The following ACSS3 variants were observed in gnomAD, a reference collection of about 807,000 sequenced individuals.
The protein encoded by ACSS3 is acyl-CoA synthetase short chain family member 3.
In ACSS3, 64 loss-of-function variants were observed where a neutral mutation model predicts 84.2. That is an observed-to-expected ratio of 0.76 (90% CI 0.62 to 0.94). The LOEUF (loss-of-function observed/expected upper bound fraction) is 0.94, where lower values mean the gene tolerates loss of function less well. Ranked by LOEUF, ACSS3 falls within the 40% of genes least tolerant of loss-of-function variation. The pLI is 0.00. For missense variants in ACSS3, 815 were observed against 867.6 expected, an observed-to-expected ratio of 0.94 and a Z score of 0.76; for synonymous variants, 317 against 310.1, an observed-to-expected ratio of 1.02 and a Z score of -0.23.
At chr12:81,151,373 A>G (rs1036672754) in intron 5 of ACSS3, among the ~76,000 whole-genome samples, 6 of 152,160 alleles carry the variant, frequency 3.9e-5, no homozygotes, top group African/African-American at 1.4e-4. Flanking sequence ...ATGAGATTCC[A>G]GTTAGAATAT....
At chr12:81,252,169 A>G (rs764814880) in intron 13 of ACSS3, among the ~76,000 whole-genome samples, 19 of 152,146 alleles carry the variant, frequency 1.2e-4, no homozygotes, top group Admixed American at 1.3e-4. Flanking sequence ...TATTTCCTAA[A>G]GAAAAAGTTT....
At chr12:81,150,462 C>T (rs987454070) in intron 5 of ACSS3, among the ~76,000 whole-genome samples, 5 of 152,038 alleles carry the variant, frequency 3.3e-5, no homozygotes, top group African/African-American at 9.7e-5. Context: ...AGTGCATGGA[C>T]GATAGGATAG....
chr12:81,162,389 C>A (rs1284917809), intron 7 of ACSS3, among the ~76,000 whole-genome samples: 1 of 152,140 alleles, frequency 6.6e-6, no homozygotes, highest in Non-Finnish European at 1.5e-5. Flanking sequence ...ATTGAGTCTG[C>A]AGCCCTCTGG....
At chr12:81,130,312 G>A (rs139399971) in intron 2 of ACSS3, among the ~76,000 whole-genome samples, 33 of 152,112 alleles carry the variant, frequency 2.2e-4, no homozygotes, top group African/African-American at 5.8e-4. Context: ...TTTAATGATC[G>A]CCATTCTAAC....
intron 1 of ACSS3, 123 bp from the exon 2 acceptor site, chr12:81,109,437 T>C (rs752489597): frequency 3.8e-6 from 4 of 1,039,006 alleles, no homozygotes; most frequent in Middle Eastern, 3.2e-4. Context: ...TTACTTGACA[T>C]AGAATGCACT....
intron 7 of ACSS3, among the ~76,000 whole-genome samples, chr12:81,160,551 AC>A (rs397850119): frequency 5.5e-4 from 84 of 152,130 alleles, no homozygotes; most frequent in Non-Finnish European, 9.7e-4. Flanking sequence ...AATTAATTAA[AC>A]CTCTTTGGTA....
rs778710253 is a variant in ACSS3 at position 81,152,056 on chromosome 12, A to C, written c.1058A>C (p.Tyr353Ser). The C allele has an allele frequency of 1.2e-6, 2 of 1,613,424 alleles. No individual in the cohort carries two copies. Among genetic ancestry groups the C allele is most frequent in the Non-Finnish European group, 1.7e-6 (2 of 1,179,726 alleles). The part of the protein sequence containing the change: ...GWVVGHSYIC[Y>S]GPLLHGNTTV... ...GTTGTTGGACATTCCTATATCTGCT[A>C]TGGACCTCTTCTTCATGGGAACACA... The change falls in exon 7 of 16, where the codon TAT becomes TCT. Residue 353 changes from tyrosine to serine, a missense_variant. Coordinates refer to ENST00000548058, the MANE Select transcript of ACSS3 (RefSeq NM_024560.4).
chr12:81,142,261 A>C (rs1449548561), intron 4 of ACSS3, among the ~76,000 whole-genome samples: 6 of 152,146 alleles, frequency 3.9e-5, no homozygotes, highest in Admixed American at 6.5e-5. Flanking sequence ...AAACTTCCTG[A>C]TGTGTGATCT....
At chr12:81,209,164 A>G (rs1293422746) in intron 9 of ACSS3, among the ~76,000 whole-genome samples, 1 of 152,226 alleles carries the variant, frequency 6.6e-6, no homozygotes, top group Non-Finnish European at 1.5e-5. Flanking sequence ...AGAAGTATGC[A>G]TTAACTAGTC....
intron 9 of ACSS3, among the ~76,000 whole-genome samples, chr12:81,202,751 T>C (rs2032166401): frequency 6.6e-6 from 1 of 152,142 alleles, no homozygotes; most frequent in African/African-American, 2.4e-5. Flanking sequence ...TTAGAAACTG[T>C]GATGTGTAAT....
At chr12:81,235,641 T>G (rs1285298729) in intron 13 of ACSS3, among the ~76,000 whole-genome samples, 1 of 151,514 alleles carries the variant, frequency 6.6e-6, no homozygotes, top group Non-Finnish European at 1.5e-5. Flanking sequence ...CTTTAGGATT[T>G]CTTTGGTATG....
chr12:81,095,959 C>T (rs1326482811), intron 1 of ACSS3, among the ~76,000 whole-genome samples: 1 of 152,184 alleles, frequency 6.6e-6, no homozygotes, highest in African/African-American at 2.4e-5. Flanking sequence ...AACAATATCC[C>T]TAGTGGTAAA....
rs2031628677 is a variant in ACSS3, at chr12:81,192,573, C to A, written c.1251-6768C>A. ...CTCCAATATTTGAGAGGGTTGGTTTCTTTCCAGTTTACCTCCATTATTAGC... is the reference window on the plus strand; with the variant it reads ...CTCCAATATTTGAGAGGGTTGGTTTATTTCCAGTTTACCTCCATTATTAGC... On this transcript the variant is annotated intron_variant, in intron 8 of 15. Coordinates refer to ENST00000548058, the MANE Select transcript of ACSS3 (RefSeq NM_024560.4). Among the ~76,000 whole-genome samples the A allele has an allele frequency of 5.3e-5, 8 of 152,266 alleles. No individual in the cohort carries two copies. In the South Asian group the frequency reaches 1.4e-3, roughly 28 times the overall value.
At chr12:81,183,824 AATAG>A (rs2031090483) in intron 8 of ACSS3, among the ~76,000 whole-genome samples, 1 of 151,876 alleles carries the variant, frequency 6.6e-6, no homozygotes, top group Admixed American at 6.6e-5. Context: ...TGAAAAGACA[AATAG>A]ATAGCAATAC....
chr12:81,240,688 C>T (rs1380809270), intron 13 of ACSS3, among the ~76,000 whole-genome samples: 2 of 151,620 alleles, frequency 1.3e-5, no homozygotes, highest in Non-Finnish European at 2.9e-5. Flanking sequence ...ATTTTGCTCT[C>T]CTTTCTTAAC....
intron 8 of ACSS3, among the ~76,000 whole-genome samples, chr12:81,182,739 C>T (rs964989950): frequency 6.6e-6 from 1 of 152,102 alleles, no homozygotes; most frequent in Non-Finnish European, 1.5e-5. Flanking sequence ...AACTGTTTTT[C>T]TTTCTTTCCT....
intron 9 of ACSS3, among the ~76,000 whole-genome samples, chr12:81,213,845 C>CTCTTCTCTT (rs1565723859): frequency 4.4e-4 from 9 of 20,534 alleles, no homozygotes; most frequent in South Asian, 5.0e-3. Context: ...TCTCTTCTCT[C>CTCTTCTCTT]CTCTCCTCTC....
At chr12:81,129,871 T>C (rs11114774) in intron 2 of ACSS3, among the ~76,000 whole-genome samples, 126,785 of 150,464 alleles carry the variant, frequency 0.84, 55,512 homozygotes, top group Non-Finnish European at 0.96. Context: ...TGAGAACATG[T>C]GGTGTTTGGT....
intron 8 of ACSS3, among the ~76,000 whole-genome samples, chr12:81,187,097 C>T (rs954248406): frequency 6.6e-6 from 1 of 151,630 alleles, no homozygotes; most frequent in Non-Finnish European, 1.5e-5. Context: ...TTAAATAGGT[C>T]AGACACAGAA....
Sources: allele counts gnomAD v4.1 joint callset (sites outside exome capture counted in the v4.1 genomes callset), GRCh38; gene constraint gnomAD v4.1.1; transcripts MANE v1.5; gene names NCBI Gene and HGNC (gene_info 2026-07-23, HGNC 2026-07-21).